The following CDK14 variants were observed in gnomAD, a reference collection of about 807,000 sequenced individuals.
CDK14 encodes the protein cyclin dependent kinase 14.
Under a neutral mutation model 60.7 loss-of-function variants are expected in CDK14, and 34 were observed. The ratio of observed to expected loss-of-function variants is 0.56; its 90% CI spans 0.43 to 0.75. CDK14 has a LOEUF of 0.75. Ranked by LOEUF, CDK14 falls within the 30% of genes least tolerant of loss-of-function variation. CDK14 has a pLI of 0.00. For synonymous variants in CDK14, 197 were observed against 203.7 expected, an observed-to-expected ratio of 0.97 and a Z score of 0.28; for missense variants, 482 against 564.1, an observed-to-expected ratio of 0.85 and a Z score of 1.47.
At chr7:91,142,349 C>G (rs1246193808) in intron 14 of CDK14, among the ~76,000 whole-genome samples, 1 of 152,204 alleles carries the variant, frequency 6.6e-6, no homozygotes, top group Non-Finnish European at 1.5e-5. Context: ...CCCTGCCACT[C>G]CTTCTTGTCC....
chr7:91,017,975 A>G (rs1162724486), intron 10 of CDK14, among the ~76,000 whole-genome samples: 3 of 152,228 alleles, frequency 2.0e-5, no homozygotes, highest in Non-Finnish European at 4.4e-5. Flanking sequence ...TGTGCTGGCA[A>G]ACAGCAGACA....
chr7:90,629,871 A>T (rs1277280490), intron 2 of CDK14, among the ~76,000 whole-genome samples: 3 of 152,108 alleles, frequency 2.0e-5, no homozygotes. Flanking sequence ...TATTAAAAAT[A>T]CAAAAATTAG....
chr7:91,112,853 GGAGAGAGA>G (rs56973703), intron 13 of CDK14, among the ~76,000 whole-genome samples, 172 bp downstream of exon 13: 8 of 148,482 alleles, frequency 5.4e-5, no homozygotes, highest in African/African-American at 7.4e-5. Flanking sequence ...GTGTATGTGT[GGAGAGAGA>G]GAGAGAGAGA....
chr7:90,760,723 T>C (rs1040793541), intron 4 of CDK14, among the ~76,000 whole-genome samples: 11 of 152,214 alleles, frequency 7.2e-5, no homozygotes, highest in Admixed American at 3.3e-4. Context: ...GTTAGTTTTA[T>C]AATTTAATGA....
chr7:91,024,144 GATGATGATA>G (rs1320425260), intron 10 of CDK14, among the ~76,000 whole-genome samples: 2 of 151,780 alleles, frequency 1.3e-5, no homozygotes, highest in African/African-American at 4.9e-5. Context: ...TGATGATGAT[GATGATGATA>G]ATGATGTCAG....
chr7:90,925,866 G>A (rs1793400584), intron 8 of CDK14, among the ~76,000 whole-genome samples: 2 of 152,026 alleles, frequency 1.3e-5, no homozygotes, highest in South Asian at 4.2e-4. Context: ...ATCTATGTGG[G>A]GAAATTAAAT....
intron 10 of CDK14, among the ~76,000 whole-genome samples, chr7:91,011,485 C>T (rs1410760487): frequency 6.6e-6 from 1 of 152,118 alleles, no homozygotes; most frequent in East Asian, 1.9e-4. Context: ...GTATAATTTT[C>T]AATTTTGGAA....
At chr7:90,962,370 C>G (rs1160867429) in intron 9 of CDK14, among the ~76,000 whole-genome samples, 1 of 152,032 alleles carries the variant, frequency 6.6e-6, no homozygotes, top group Non-Finnish European at 1.5e-5. Context: ...CATGTAACCC[C>G]AGCTACTTGG....
chr7:90,612,643 G>A (rs927188641), intron 2 of CDK14, among the ~76,000 whole-genome samples: 6 of 151,854 alleles, frequency 4.0e-5, no homozygotes, highest in African/African-American at 1.2e-4. Flanking sequence ...GTGGTGGTGG[G>A]TACCTGTAAT....
intron 3 of CDK14, among the ~76,000 whole-genome samples, chr7:90,742,878 C>T (rs1209243077): frequency 3.3e-5 from 5 of 151,830 alleles, no homozygotes; most frequent in East Asian, 1.9e-4. Flanking sequence ...TATCCCCTAT[C>T]GGAAATGCTT....
intron 14 of CDK14, among the ~76,000 whole-genome samples, chr7:91,133,840 C>A (rs185142316): frequency 1.1e-4 from 17 of 152,210 alleles, no homozygotes; most frequent in Non-Finnish European, 2.4e-4. Flanking sequence ...CTCTGTAGAT[C>A]TATGTTGAAG....
intron 2 of CDK14, among the ~76,000 whole-genome samples, chr7:90,681,927 ATTAAG>A (rs1280320428): frequency 1.3e-5 from 2 of 152,216 alleles, no homozygotes; most frequent in East Asian, 1.9e-4. Flanking sequence ...ATTTATAAGA[ATTAAG>A]TTAACTGAAA....
intron 12 of CDK14, among the ~76,000 whole-genome samples, chr7:91,097,847 C>T (rs891888808): frequency 6.6e-6 from 1 of 152,166 alleles, no homozygotes. Flanking sequence ...ATGTTTCCTT[C>T]CCCTTTGTAT....
intron 14 of CDK14, among the ~76,000 whole-genome samples, chr7:91,198,191 A>G (rs1802609439): frequency 6.6e-6 from 1 of 152,228 alleles, no homozygotes; most frequent in Non-Finnish European, 1.5e-5. Flanking sequence ...TTTCTGCTGT[A>G]ATATGACATC....
chr7:91,016,901 C>T (rs1444556269), intron 10 of CDK14, among the ~76,000 whole-genome samples: 1 of 152,088 alleles, frequency 6.6e-6, no homozygotes, highest in Non-Finnish European at 1.5e-5. Flanking sequence ...GGGACCTTTG[C>T]GAAAGCCTCC....
intron 5 of CDK14, among the ~76,000 whole-genome samples, chr7:90,833,508 G>A (rs546345272): frequency 6.6e-6 from 1 of 152,288 alleles, no homozygotes; most frequent in Non-Finnish European, 1.5e-5. Flanking sequence ...CAAGTCTCTT[G>A]TGTCTAGTTC....
intron 8 of CDK14, among the ~76,000 whole-genome samples, chr7:90,934,138 G>C (rs888385717): frequency 2.0e-5 from 3 of 152,260 alleles, no homozygotes; most frequent in Non-Finnish European, 4.4e-5. Flanking sequence ...GTGCCCAGGA[G>C]GCCTTGGGGC....
chr7:90,619,032 C>T (rs1450421839), intron 2 of CDK14, among the ~76,000 whole-genome samples: 2 of 152,170 alleles, frequency 1.3e-5, no homozygotes, highest in Non-Finnish European at 2.9e-5. Context: ...GCCAGCCCTT[C>T]CCACTGTTTG....
At chr7:90,771,819 G>T (rs113715593) in intron 4 of CDK14, among the ~76,000 whole-genome samples, 4,412 of 152,268 alleles carry the variant, frequency 0.029, 106 homozygotes, top group Non-Finnish European at 0.039. Context: ...ATAGTTTGGT[G>T]TTCAGACTTC....
Sources: allele counts gnomAD v4.1 joint callset (sites outside exome capture counted in the v4.1 genomes callset), GRCh38; gene constraint gnomAD v4.1.1; transcripts MANE v1.5; gene names NCBI Gene and HGNC (gene_info 2026-07-23, HGNC 2026-07-21).